The following TMED3 variants were observed in gnomAD, a reference collection of about 807,000 sequenced individuals.
TMED3 encodes the protein transmembrane p24 trafficking protein 3.
TMED3 carries 9 observed loss-of-function variants against 15.0 expected under a neutral mutation model. That is an observed-to-expected ratio of 0.60 (90% CI 0.36 to 1.04). The LOEUF is 1.04. TMED3 is among the 50% of genes least tolerant of loss of function. The probability of loss-of-function intolerance (pLI) is 0.01; values close to 1 mark genes in which losing one functional copy is unlikely to be tolerated. For synonymous variants in TMED3, 117 were observed against 121.4 expected (o/e 0.96, Z 0.24); for missense variants, 267 against 278.9 (o/e 0.96, Z 0.30).
At chr15:79,383,364 A>ACCACCG in intron 2 of TMED3, 1 of 242,106 alleles carries the variant, frequency 4.1e-6, no homozygotes, top group Non-Finnish European at 8.0e-6. Flanking sequence ...GAAAGTTTGG[A>ACCACCG]AGGTCCCTCA....
chr15:79,404,533 G>A (rs56111405), intron 2 of TMED3, among the ~76,000 whole-genome samples: 5,100 of 48,604 alleles, frequency 0.1, 274 homozygotes, highest in African/African-American at 0.21. Context: ...TTCCTTTGCC[G>A]TGCATATTCT....
At chr15:79,329,060 C>T (rs1420450831) in intron 2 of TMED3, among the ~76,000 whole-genome samples, 3 of 152,190 alleles carry the variant, frequency 2.0e-5, no homozygotes, top group Admixed American at 2.0e-4. Flanking sequence ...GGATTAAAAA[C>T]TAAGGCCACC....
intron 2 of TMED3, among the ~76,000 whole-genome samples, chr15:79,352,918 A>G (rs1376451330): frequency 3.2e-5 from 4 of 124,224 alleles, no homozygotes; most frequent in African/African-American, 1.2e-4. Context: ...TAATATATAT[A>G]AAATATATAT....
chr15:79,402,594 A>T (rs986762277), intron 2 of TMED3, among the ~76,000 whole-genome samples: 24 of 152,038 alleles, frequency 1.6e-4, no homozygotes, highest in Non-Finnish European at 3.1e-4. Context: ...ACTGGCCAAG[A>T]TGGTGAAACC....
chr15:79,311,121 A>G lies in TMED3; in HGVS notation c.-129A>G. ...GCACTGAGCCGCCGGCCCTCCCGGA[A>G]GCGCAGAGCTCCGCTGGTGCCACGT... is the stretch of plus-strand genomic sequence containing the variant. On this transcript the variant is annotated 5_prime_UTR_variant, in exon 1 of 3. Coordinates refer to ENST00000299705, the MANE Select transcript of TMED3 (RefSeq NM_007364.4). 9.9e-7 allele frequency: 1 copy of G among 1,005,804 alleles called. No homozygotes were observed. The highest frequency in any genetic ancestry group is 1.3e-6 in the Non-Finnish European group (1 of 741,610). The allele number at this position is 1,005,804 out of a possible 1,614,324, so 62.3% of individuals were successfully genotyped here. A position where few individuals can be genotyped will look rare whatever the true frequency, so the allele number is the denominator to read the frequency against.
chr15:79,413,163 A>G (rs1595915415), exon 3 of TMED3: 1 of 152,240 alleles, frequency 6.6e-6, no homozygotes, highest in African/African-American at 2.4e-5. Context: ...AAACTAGAGT[A>G]CCTTCTTTCT....
chr15:79,319,420 G>A (rs1273288205), intron 2 of TMED3, among the ~76,000 whole-genome samples: 2 of 152,228 alleles, frequency 1.3e-5, no homozygotes, highest in Non-Finnish European at 2.9e-5. Context: ...AGGCAAGTAA[G>A]GGTAACACCA....
At chr15:79,341,652 C>G (rs969403352) in intron 2 of TMED3, among the ~76,000 whole-genome samples, 4 of 152,132 alleles carry the variant, frequency 2.6e-5, no homozygotes, top group Non-Finnish European at 5.9e-5. Context: ...CGTTTATTCC[C>G]CTTCCCTGTG....
rs71150908 is a variant in TMED3, at chr15:79,403,220, CAAAAAAAAAAAAAA to C, written c.418-8164_418-8151del. ...CCTGGGTGACAGCGGGACTCTGTCT[CAAAAAAAAAAAAAA>C]AAAAAAAAAAAAAAAGACTTGATTT... On this transcript the variant is annotated intron_variant, in intron 2 of 2. Coordinates refer to the TMED3 transcript ENST00000424155. Among the ~76,000 whole-genome samples, 93 of 65,428 alleles carry C rather than the reference CAAAAAAAAAAAAAA, an allele frequency of 1.4e-3. 2 individuals are homozygous for C. The highest frequency in any genetic ancestry group is 8.9e-3 in the Middle Eastern group (1 of 112). 42.9% of individuals were successfully genotyped at this position (65,428 alleles called of 152,430 possible). A position where few individuals can be genotyped will look rare whatever the true frequency, so the allele number is the denominator to read the frequency against.
Position 79,346,959 on chromosome 15 carries a change from C to A in TMED3, c.417+32954C>A, listed in dbSNP as rs72740327. On this transcript the variant is annotated intron_variant, in intron 2 of 2. Transcript: ENST00000424155. ...CTGAATTCTACCAGATGTACAAAGACGATCTGGTAGCATTTCTGCTAAAAC... is the reference window on the plus strand; with the variant it reads ...CTGAATTCTACCAGATGTACAAAGAAGATCTGGTAGCATTTCTGCTAAAAC... Among the ~76,000 whole-genome samples, 18 of 152,154 alleles carry A rather than the reference C, an allele frequency of 1.2e-4. 1 individual carries two copies. In the South Asian group the frequency reaches 3.7e-3, roughly 32 times the overall value.
At chr15:79,342,935 G>A (rs1032275870) in intron 2 of TMED3, among the ~76,000 whole-genome samples, 1 of 152,140 alleles carries the variant, frequency 6.6e-6, no homozygotes, top group Non-Finnish European at 1.5e-5. Flanking sequence ...TTAGGTGTGG[G>A]TATAAAGAGT....
rs1287364823 is a variant in TMED3, at chr15:79,394,632, A to G, written c.418-16768A>G. 3.9e-5 allele frequency among the ~76,000 whole-genome samples: 6 copies of G among 152,354 alleles called. No homozygotes were observed. In the East Asian group the frequency reaches 1.2e-3, roughly 29 times the overall value. On this transcript the variant is annotated intron_variant, in intron 2 of 2. Transcript: ENST00000424155. ...ATAGATTCAGCCTTCTCTGGGCTCA[A>G]AGAAGCAGCTACAAATGGAGAAGAG...
chr15:79,386,201 G>C (rs1317019010), intron 2 of TMED3, among the ~76,000 whole-genome samples: 5 of 152,204 alleles, frequency 3.3e-5, no homozygotes, highest in African/African-American at 9.7e-5. Context: ...AAGTTCTGAA[G>C]ATCTATTGTC....
chr15:79,371,707 G>C (rs202184971), intron 2 of TMED3, among the ~76,000 whole-genome samples: 2 of 152,144 alleles, frequency 1.3e-5, no homozygotes, highest in African/African-American at 4.8e-5. Context: ...GCATCTCTTG[G>C]TCTGCTGAAA....
chr15:79,355,426 T>C, intron 2 of TMED3, among the ~76,000 whole-genome samples: 1 of 151,848 alleles, frequency 6.6e-6, no homozygotes. Context: ...GAACTGTATG[T>C]GAAAGAAAGC....
At position 79,353,368 on chromosome 15, in the gene TMED3, T is replaced by G. The variant is rs2058905283; in HGVS notation, c.417+39363T>G. Among the ~76,000 whole-genome samples, 3 of 118,894 alleles carry G rather than the reference T, an allele frequency of 2.5e-5. No homozygotes were observed. The South Asian group carries it at 7.0e-4, about 28-fold the overall frequency. 78.0% of individuals were successfully genotyped at this position (118,894 alleles called of 152,430 possible). A position where few individuals can be genotyped will look rare whatever the true frequency, so the allele number is the denominator to read the frequency against. On this transcript the variant is annotated intron_variant, in intron 2 of 2. Coordinates refer to the TMED3 transcript ENST00000424155. ...TAAAATATATGTTATATATAAAATA[T>G]ATATAATATATATAAAATTTTGTGT...
intron 2 of TMED3, among the ~76,000 whole-genome samples, chr15:79,339,736 G>A (rs1312287722): frequency 6.6e-6 from 1 of 151,970 alleles, no homozygotes; most frequent in Non-Finnish European, 1.5e-5. Context: ...TGGTGGTGGT[G>A]ATGACATGAT....
downstream of TMED3, among the ~76,000 whole-genome samples, chr15:79,326,738 T>G (rs2058788830): frequency 6.6e-6 from 1 of 152,202 alleles, no homozygotes; most frequent in Admixed American, 6.5e-5. Context: ...GTGGGACATT[T>G]GGGAAGTGAC....
chr15:79,355,712 G>A (rs2058916248), intron 2 of TMED3, among the ~76,000 whole-genome samples: 1 of 152,142 alleles, frequency 6.6e-6, no homozygotes, highest in African/African-American at 2.4e-5. Context: ...TCGGGATCTG[G>A]GGTGAGCACG....
Sources: allele counts gnomAD v4.1 joint callset (sites outside exome capture counted in the v4.1 genomes callset), GRCh38; gene constraint gnomAD v4.1.1; transcripts MANE v1.5; gene names NCBI Gene and HGNC (gene_info 2026-07-23, HGNC 2026-07-21).